HECW1: variants seen among roughly 807,000 people sequenced by gnomAD.
HECW1 encodes the protein E3 ubiquitin-protein ligase HECW1.
In HECW1, 61 loss-of-function variants were observed where a neutral mutation model predicts 182.3. That is an observed-to-expected ratio of 0.33 (90% CI 0.27 to 0.41). The LOEUF (loss-of-function observed/expected upper bound fraction) is 0.41. Among genes scored for constraint, HECW1 ranks in the 10% least tolerant of loss-of-function variants. The pLI, the probability that HECW1 is intolerant of heterozygous loss-of-function variation, is 1.00. For missense variants in HECW1, 1,739 were observed against 2,108.9 expected (o/e 0.82, Z 3.44); for synonymous variants, 859 against 832.6 (o/e 1.03, Z -0.55).
At chr7:43,191,395 C>T (rs1264574108) in intron 2 of HECW1, among the ~76,000 whole-genome samples, 2 of 152,220 alleles carry the variant, frequency 1.3e-5, no homozygotes, top group Non-Finnish European at 2.9e-5. Flanking sequence ...TTTCTAATTA[C>T]ACTTCTTGGA....
At chr7:43,189,990 G>A (rs1793749834) in intron 2 of HECW1, among the ~76,000 whole-genome samples, 1 of 152,096 alleles carries the variant, frequency 6.6e-6, no homozygotes, top group South Asian at 2.1e-4. Flanking sequence ...GCCAATATTG[G>A]GAGAGAGAAA....
intron 3 of HECW1, among the ~76,000 whole-genome samples, chr7:43,295,538 G>A (rs1805935780): frequency 6.6e-6 from 1 of 152,154 alleles, no homozygotes; most frequent in Admixed American, 6.5e-5. Context: ...ACTCCCCAGG[G>A]GGGCCTGGAT....
At chr7:43,372,477 T>C (rs1480426576) in intron 6 of HECW1, among the ~76,000 whole-genome samples, 2 of 152,150 alleles carry the variant, frequency 1.3e-5, no homozygotes, top group East Asian at 3.8e-4. Flanking sequence ...CATTAACTCG[T>C]CGTTTTCATT....
chr7:43,291,346 C>T (rs1805379319), intron 3 of HECW1, among the ~76,000 whole-genome samples: 1 of 152,110 alleles, frequency 6.6e-6, no homozygotes, highest in African/African-American at 2.4e-5. Flanking sequence ...ATTTGATTGG[C>T]TAACAGTTTA....
At position 43,445,578 on chromosome 7, in the gene HECW1, C is replaced by G; in HGVS notation, c.2398+8C>G. On this transcript the variant is annotated splice_region_variant and intron_variant, in intron 11 of 29. Coordinates refer to ENST00000395891, the MANE Select transcript of HECW1 (RefSeq NM_015052.5). Reference sequence around the variant, plus strand: ...CAAGCAATCGGAGAGAAGGTTAGACCTCAAACCTGATCAGAGTGAGAATAG... The same window carrying G: ...CAAGCAATCGGAGAGAAGGTTAGACGTCAAACCTGATCAGAGTGAGAATAG... 6.4e-7 allele frequency: 1 copy of G among 1,560,732 alleles called. No homozygotes were observed. The highest frequency in any genetic ancestry group is 8.7e-7 in the Non-Finnish European group (1 of 1,149,258).
intron 3 of HECW1, among the ~76,000 whole-genome samples, chr7:43,261,644 A>C (rs2152733484): frequency 6.6e-6 from 1 of 152,290 alleles, no homozygotes; most frequent in Non-Finnish European, 1.5e-5. Context: ...TAAGCACACC[A>C]GCAGGGGACA....
chr7:43,498,124 C>A (rs180792465), intron 19 of HECW1, among the ~76,000 whole-genome samples: 3 of 152,274 alleles, frequency 2.0e-5, no homozygotes, highest in African/African-American at 7.2e-5. Flanking sequence ...TCCCTTACAC[C>A]ACTGGCTATG....
At chr7:43,435,757 G>C (rs183092100) in intron 8 of HECW1, among the ~76,000 whole-genome samples, 1 of 152,196 alleles carries the variant, frequency 6.6e-6, no homozygotes, top group Non-Finnish European at 1.5e-5. Flanking sequence ...CCTGAGACTT[G>C]GAAGTTGGCT....
intron 3 of HECW1, among the ~76,000 whole-genome samples, chr7:43,282,918 G>A (rs1319074604): frequency 2.6e-5 from 4 of 152,088 alleles, no homozygotes; most frequent in Non-Finnish European, 5.9e-5. Flanking sequence ...AAGAGTTCGA[G>A]ACCAGCCTGG....
At chr7:43,422,007 A>G (rs1157845629) in intron 8 of HECW1, among the ~76,000 whole-genome samples, 1 of 152,162 alleles carries the variant, frequency 6.6e-6, no homozygotes, top group East Asian at 1.9e-4. Context: ...TTATCTCCCT[A>G]CAGTATGTTT....
intron 11 of HECW1, among the ~76,000 whole-genome samples, chr7:43,449,078 T>C (rs185100278): frequency 8.5e-5 from 13 of 152,220 alleles, no homozygotes; most frequent in African/African-American, 3.1e-4. Context: ...TTCCACTAGC[T>C]TGGAGGAGTA....
intron 8 of HECW1, among the ~76,000 whole-genome samples, chr7:43,426,128 A>G (rs768346008): frequency 6.6e-6 from 1 of 152,184 alleles, no homozygotes; most frequent in Non-Finnish European, 1.5e-5. Context: ...TTGACCAATC[A>G]TGGGGCACTT....
intron 3 of HECW1, among the ~76,000 whole-genome samples, chr7:43,280,527 G>C (rs776439049): frequency 1.3e-5 from 2 of 152,156 alleles, no homozygotes; most frequent in Admixed American, 6.5e-5. Flanking sequence ...TCTTTTATTT[G>C]ATGAATTGTA....
At position 43,554,865 on chromosome 7, in the gene HECW1, G is replaced by A. The variant is rs74792376; in HGVS notation, c.4709+75G>A. On this transcript the variant is annotated intron_variant, in intron 29 of 29. Coordinates refer to ENST00000395891, the MANE Select transcript of HECW1 (RefSeq NM_015052.5). The stretch of plus-strand genomic sequence containing the variant: ...TATACTTTGCTATTTGATTTTGAGT[G>A]ACCATCCTTTGGGATGGAATTCTTT... The A allele has an allele frequency of 2.8e-3, 3,861 of 1,360,102 alleles. 78 individuals carry two copies. The African/African-American group carries it at 0.05, about 18-fold the overall frequency. The allele number at this position is 1,360,102 out of a possible 1,614,324, so 84.3% of individuals were successfully genotyped here.
intron 2 of HECW1, 22 bp downstream of exon 2, chr7:43,114,413 A>T (rs1784881736): frequency 7.5e-7 from 1 of 1,333,972 alleles, no homozygotes; most frequent in Admixed American, 2.2e-5. Flanking sequence ...TAGATTGGGG[A>T]TTCATTTAAA....
intron 24 of HECW1, among the ~76,000 whole-genome samples, chr7:43,532,471 G>A (rs1327628638): frequency 6.6e-6 from 1 of 152,110 alleles, no homozygotes; most frequent in Non-Finnish European, 1.5e-5. Context: ...GAAATCTAAA[G>A]TCCTTCCCAT....
intron 2 of HECW1, among the ~76,000 whole-genome samples, chr7:43,216,241 G>A (rs1796429292): frequency 6.6e-6 from 1 of 152,026 alleles, no homozygotes; most frequent in South Asian, 2.1e-4. Flanking sequence ...CGCCTTCTGG[G>A]TTCAAGTGAT....
At chr7:43,309,419 T>C (rs6463179) in intron 3 of HECW1, among the ~76,000 whole-genome samples, 79,248 of 152,038 alleles carry the variant, frequency 0.52, 23,341 homozygotes, top group African/African-American at 0.82. Flanking sequence ...TCCTTCTCTA[T>C]CTTTGCTCTC....
At chr7:43,297,790 G>T (rs574654688) in intron 3 of HECW1, among the ~76,000 whole-genome samples, 1 of 152,250 alleles carries the variant, frequency 6.6e-6, no homozygotes, top group East Asian at 1.9e-4. Flanking sequence ...AACTAAATTG[G>T]GTCAGGCATG....
Sources: allele counts gnomAD v4.1 joint callset (sites outside exome capture counted in the v4.1 genomes callset), GRCh38; gene constraint gnomAD v4.1.1; transcripts MANE v1.5; gene names NCBI Gene and HGNC (gene_info 2026-07-23, HGNC 2026-07-21).